Variants in HMCN1 observed in about 807,000 individuals in gnomAD.
HMCN1 encodes hemicentin-1.
Under a neutral mutation model 625.9 loss-of-function variants are expected in HMCN1, and 321 were observed. That is an observed-to-expected ratio of 0.51 (90% CI 0.47 to 0.56). The LOEUF (loss-of-function observed/expected upper bound fraction) is 0.56. HMCN1 is among the 20% of genes least tolerant of loss of function. HMCN1 has a pLI of 0.00. For missense variants in HMCN1, 6,588 were observed against 6,887.3 expected (o/e 0.96, Z 1.54); for synonymous variants, 2,425 against 2,417.6 (o/e 1.00, Z -0.09).
chr1:186,151,648 A>G lies in HMCN1; in HGVS notation c.14801A>G (p.Tyr4934Cys). Residue 4934 changes from tyrosine to cysteine, a missense_variant, in exon 95 of 107, where the codon TAT (tyrosine) becomes TGT (cysteine). Tyr to Cys is a radical substitution (Grantham distance 194). This residue lies in a region of HMCN1 where 1,954 missense variants were observed against 2,013.1 expected (regional missense o/e 0.97). Coordinates refer to ENST00000271588, the MANE Select transcript of HMCN1 (RefSeq NM_031935.3). ...ATAGTTTCTATTCTAAATCCCATTT[A>G]TTGGACAACAGCAAAGGAAATAGGA... is the stretch of plus-strand genomic sequence containing the variant. The part of the protein sequence containing the change: ...RKIVSILNPI[Y>C]WTTAKEIGEA... The G allele has an allele frequency of 6.2e-7, 1 of 1,612,888 alleles. No homozygotes were observed. Among genetic ancestry groups the G allele is most frequent in the Non-Finnish European group, 8.5e-7 (1 of 1,178,970 alleles).
At chr1:185,981,129 TA>T in intron 17 of HMCN1, 56 bp downstream of exon 17, 2 of 1,035,718 alleles carry the variant, frequency 1.9e-6, no homozygotes, top group Non-Finnish European at 3.1e-6. Flanking sequence ...AGACTTCTTT[TA>T]CTATGTCATC....
At chr1:185,975,904 A>G (rs1363569433) in intron 15 of HMCN1, among the ~76,000 whole-genome samples, 3 of 151,966 alleles carry the variant, frequency 2.0e-5, no homozygotes, top group Non-Finnish European at 4.4e-5. Context: ...ACACACACAC[A>G]CACGCACACA....
intron 46 of HMCN1, among the ~76,000 whole-genome samples, chr1:186,057,808 A>G (rs1284419397): frequency 6.6e-6 from 1 of 152,022 alleles, no homozygotes; most frequent in Non-Finnish European, 1.5e-5. Context: ...ACTAATCTCA[A>G]TGATGTTTAC....
chr1:186,118,037 G>A (rs1310719206), intron 77 of HMCN1, among the ~76,000 whole-genome samples: 2 of 152,126 alleles, frequency 1.3e-5, no homozygotes, highest in African/African-American at 4.8e-5. Context: ...TTCTGAGACT[G>A]TATAACTAAA....
chr1:185,884,929 T>C (rs1305514769), intron 4 of HMCN1, among the ~76,000 whole-genome samples: 21 of 152,054 alleles, frequency 1.4e-4, no homozygotes, highest in Non-Finnish European at 2.7e-4. Flanking sequence ...ATGATTGTTT[T>C]GTATAAACTG....
intron 3 of HMCN1, among the ~76,000 whole-genome samples, 173 bp downstream of exon 3, chr1:185,864,801 G>A (rs1299965303): frequency 6.6e-6 from 1 of 152,098 alleles, no homozygotes; most frequent in Non-Finnish European, 1.5e-5. Flanking sequence ...ACATATATGT[G>A]ATATTTATAC....
chr1:186,162,131 T>C (rs1474325417), intron 97 of HMCN1, among the ~76,000 whole-genome samples: 1 of 152,212 alleles, frequency 6.6e-6, no homozygotes, highest in East Asian at 1.9e-4. Flanking sequence ...TTATTCTTTT[T>C]TCTCTAAACT....
In HMCN1 at chr1:186,001,278, T is replaced by C; in HGVS notation, c.4070-20T>C. On this transcript the variant is annotated intron_variant, in intron 26 of 106. Transcript: ENST00000271588. ...TATTTATTATGAAACTAGCTAGCTA[T>C]GACTCCTCTCTTTTTGCAGTTCCTC... 1 of 1,603,142 alleles carries C rather than the reference T, an allele frequency of 6.2e-7. No individual in the cohort carries two copies. The highest frequency in any genetic ancestry group is 8.5e-7 in the Non-Finnish European group (1 of 1,171,066).
chr1:186,150,250 TCAGA>T (rs1650585779), intron 93 of HMCN1, among the ~76,000 whole-genome samples: 2 of 152,192 alleles, frequency 1.3e-5, no homozygotes, highest in Non-Finnish European at 2.9e-5. Context: ...TTAAAATACA[TCAGA>T]TAATGAATAT....
In HMCN1 at chr1:185,965,881, T is replaced by A; in HGVS notation, c.2178T>A (p.Ser726=). The part of the protein sequence containing the change: ...GDITVMECKT[S]GIPPPQVKWF... Reference sequence around the variant, plus strand: ...TAACCGTTATGGAATGCAAAACCTCTGGTATTCCTCCACCTCAAGTTAAAT... The same window carrying A: ...TAACCGTTATGGAATGCAAAACCTCAGGTATTCCTCCACCTCAAGTTAAAT... Residue 726 remains serine (S), a synonymous_variant, in exon 14 of 107, where the codon TCT becomes TCA. Transcript: ENST00000271588. 1 of 1,607,054 alleles carries A rather than the reference T, an allele frequency of 6.2e-7. No individual in the cohort carries two copies. The highest frequency in any genetic ancestry group is 8.5e-7 in the Non-Finnish European group (1 of 1,173,682).
At chr1:185,887,023 C>T (rs571286463) in intron 4 of HMCN1, among the ~76,000 whole-genome samples, 19 of 152,196 alleles carry the variant, frequency 1.2e-4, no homozygotes, top group African/African-American at 2.9e-4. Flanking sequence ...TTTGCTGCCT[C>T]GGCACTTCTG....
rs1442376675 is a variant in HMCN1 at position 186,055,531 on chromosome 1, T to A, written c.7001T>A (p.Ile2334Asn). ...TGGATGAAAGATGGCCACCCCTTGA[T>A]CAAGGCAAAGGGAGTAGAAATACTG... ...VTWMKDGHPLIKAKGVEILDE... is the reference protein window; with the variant it reads ...VTWMKDGHPLNKAKGVEILDE... Residue 2334 changes from isoleucine to asparagine, a missense_variant, in exon 45 of 107, where the codon ATC (isoleucine) becomes AAC (asparagine). Ile to Asn is a moderately radical substitution (Grantham distance 149). Around this residue, in one of 3 missense-constraint regions of HMCN1, gnomAD observed 4,628 missense variants for 4,853.1 expected, o/e 0.95. Transcript: ENST00000271588. The A allele has an allele frequency of 6.2e-7, 1 of 1,612,886 alleles. No individual in the cohort carries two copies. Among genetic ancestry groups the A allele is most frequent in the Admixed American group, 1.7e-5 (1 of 59,830 alleles).
At chr1:185,880,139 A>T (rs1664202718) in intron 4 of HMCN1, among the ~76,000 whole-genome samples, 1 of 152,110 alleles carries the variant, frequency 6.6e-6, no homozygotes, top group Non-Finnish European at 1.5e-5. Context: ...TAGATGAGGG[A>T]TATATTTTCC....
intron 97 of HMCN1, among the ~76,000 whole-genome samples, chr1:186,159,692 C>G (rs1238500495): frequency 6.6e-6 from 1 of 152,060 alleles, no homozygotes; most frequent in Non-Finnish European, 1.5e-5. Context: ...TGGTTTTTGT[C>G]TTTGGTTCTG....
At chr1:185,793,300 G>C (rs1471170113) in intron 1 of HMCN1, among the ~76,000 whole-genome samples, 1 of 152,198 alleles carries the variant, frequency 6.6e-6, no homozygotes, top group Non-Finnish European at 1.5e-5. Flanking sequence ...GTAAATCCAT[G>C]TCCTTGCCTT....
At chr1:186,172,884 C>T (rs984551287) in intron 102 of HMCN1, among the ~76,000 whole-genome samples, 3 of 152,006 alleles carry the variant, frequency 2.0e-5, no homozygotes, top group Non-Finnish European at 2.9e-5. Context: ...TAAAATTCTA[C>T]AGGAATACCC....
chr1:185,997,587 G>T lies in HMCN1; in HGVS notation c.3874+63G>T. On this transcript the variant is annotated intron_variant, in intron 25 of 106. Coordinates refer to ENST00000271588, the MANE Select transcript of HMCN1 (RefSeq NM_031935.3). ...TTATATGGTTTCAGAATGCTATATTGAACCCAAATTGTCATCCTTATAAAA... is the reference window on the plus strand; with the variant it reads ...TTATATGGTTTCAGAATGCTATATTTAACCCAAATTGTCATCCTTATAAAA... 4 of 1,141,712 alleles carry T rather than the reference G, an allele frequency of 3.5e-6. No individual in the cohort carries two copies. In the East Asian group the frequency reaches 9.5e-5, roughly 27 times the overall value. 70.7% of individuals were successfully genotyped at this position (1,141,712 alleles called of 1,614,324 possible).
rs188131230 is a variant in HMCN1, at chr1:186,088,574, T to A, written c.9578-32T>A. ...AGATGTTAAAGTTTAAAGGTTTTTT[T>A]ATGTTTTATTGTGCTTTGTTTCTAC... On this transcript the variant is annotated intron_variant, in intron 62 of 106. Coordinates refer to ENST00000271588, the MANE Select transcript of HMCN1 (RefSeq NM_031935.3). 2.7e-4 allele frequency: 432 copies of A among 1,605,090 alleles called. 2 individuals are homozygous for A. The African/African-American group carries it at 4.9e-3, about 18-fold the overall frequency.
chr1:185,930,905 A>AACACAC (rs1375260116), intron 10 of HMCN1, among the ~76,000 whole-genome samples: 1 of 126,756 alleles, frequency 7.9e-6, no homozygotes, highest in Non-Finnish European at 1.6e-5. Flanking sequence ...ACTTTCACCC[A>AACACAC]ATACACACAC....
Sources: allele counts gnomAD v4.1 joint callset (sites outside exome capture counted in the v4.1 genomes callset), GRCh38; gene constraint gnomAD v4.1.1; regional missense constraint gnomAD v4.1.1; transcripts MANE v1.5; gene names NCBI Gene and HGNC (gene_info 2026-07-23, HGNC 2026-07-21).